The following DPP10 variants were observed in gnomAD, a reference collection of about 807,000 sequenced individuals.
DPP10 encodes the protein dipeptidyl peptidase like 10, also known as inactive dipeptidyl peptidase 10.
DPP10 carries 33 observed loss-of-function variants against 120.9 expected under a neutral mutation model. That is an observed-to-expected ratio of 0.27 (90% CI 0.21 to 0.37). DPP10 has a LOEUF of 0.37. DPP10 is among the 10% of genes least tolerant of loss of function. DPP10 has a pLI of 1.00. For missense variants in DPP10, 816 were observed against 942.8 expected, an observed-to-expected ratio of 0.87 and a Z score of 1.76; for synonymous variants, 337 against 326.1, an observed-to-expected ratio of 1.03 and a Z score of -0.36.
At chr2:115,173,523 C>T (rs2053503907) in intron 1 of DPP10, among the ~76,000 whole-genome samples, 1 of 152,116 alleles carries the variant, frequency 6.6e-6, no homozygotes, top group Admixed American at 6.5e-5. Context: ...TAAGCAGATA[C>T]CATAACTCGT....
intron 1 of DPP10, among the ~76,000 whole-genome samples, chr2:114,627,725 G>C (rs1289580363): frequency 1.3e-5 from 2 of 152,100 alleles, no homozygotes; most frequent in African/African-American, 4.8e-5. Context: ...AAGAGGTGCA[G>C]TATTTTTGAA....
chr2:114,881,277 T>C (rs1691581766), intron 1 of DPP10, among the ~76,000 whole-genome samples: 1 of 152,142 alleles, frequency 6.6e-6, no homozygotes, highest in Non-Finnish European at 1.5e-5. Context: ...TGGGGTCCCA[T>C]GTGGCCAACA....
intron 1 of DPP10, among the ~76,000 whole-genome samples, chr2:114,539,623 T>C (rs1280208312): frequency 6.6e-6 from 1 of 152,214 alleles, no homozygotes; most frequent in African/African-American, 2.4e-5. Flanking sequence ...TTCAGTGTCA[T>C]CTCTGACCTG....
intron 21 of DPP10, among the ~76,000 whole-genome samples, chr2:115,834,041 A>C (rs575217591): frequency 6.6e-6 from 1 of 152,246 alleles, no homozygotes; most frequent in African/African-American, 2.4e-5. Flanking sequence ...GAATGAGCAA[A>C]GGCACTTTGA....
chr2:115,014,572 G>C (rs1338117392), intron 1 of DPP10, among the ~76,000 whole-genome samples: 1 of 151,770 alleles, frequency 6.6e-6, no homozygotes, highest in African/African-American at 2.4e-5. Context: ...TTTTATAAAA[G>C]ATCAACAAAA....
chr2:115,832,590 T>A (rs541566766), intron 21 of DPP10, among the ~76,000 whole-genome samples: 1 of 152,230 alleles, frequency 6.6e-6, no homozygotes, highest in Non-Finnish European at 1.5e-5. Flanking sequence ...AAATAGAATT[T>A]TATTCAACAG....
At chr2:114,486,652 A>G (rs1681543228) in intron 1 of DPP10, among the ~76,000 whole-genome samples, 1 of 152,034 alleles carries the variant, frequency 6.6e-6, no homozygotes, top group African/African-American at 2.4e-5. Flanking sequence ...AGGTCAAAGG[A>G]CTTGTAGTTC....
At chr2:115,747,594 C>CTTTTTTTTTTT (rs3980905) in intron 10 of DPP10, among the ~76,000 whole-genome samples, 3 of 141,226 alleles carry the variant, frequency 2.1e-5, no homozygotes, top group Non-Finnish European at 4.6e-5. Flanking sequence ...ATCCCCTTGT[C>CTTTTTTTTTTT]TTTTTTTTTT....
intron 5 of DPP10, among the ~76,000 whole-genome samples, chr2:115,652,409 A>ATGTGTGTGTGTGTGTG (rs71394158): frequency 1.4e-5 from 2 of 145,576 alleles, no homozygotes; most frequent in African/African-American, 5.3e-5. Flanking sequence ...TAGGATATAT[A>ATGTGTGTGTGTGTGTG]TGTGTGTGTG....
chr2:115,810,104 G>C (rs1686462241), intron 19 of DPP10, among the ~76,000 whole-genome samples: 1 of 151,714 alleles, frequency 6.6e-6, no homozygotes, highest in South Asian at 2.1e-4. Context: ...GGATCTGGCA[G>C]TGAGCCGAGA....
chr2:114,479,573 T>C (rs1680827752), intron 1 of DPP10, among the ~76,000 whole-genome samples: 1 of 152,096 alleles, frequency 6.6e-6, no homozygotes, highest in African/African-American at 2.4e-5. Context: ...TATCTACAAC[T>C]ATCTGATCTT....
intron 1 of DPP10, among the ~76,000 whole-genome samples, chr2:114,748,890 A>C (rs1248919461): frequency 1.9e-5 from 2 of 105,634 alleles, no homozygotes; most frequent in African/African-American, 7.9e-5. Context: ...TTATAGCAGC[A>C]TGATTTATAG....
intron 1 of DPP10, among the ~76,000 whole-genome samples, chr2:115,064,299 A>G (rs1195998372): frequency 6.6e-6 from 1 of 152,184 alleles, no homozygotes; most frequent in Non-Finnish European, 1.5e-5. Flanking sequence ...CTGCTCCATT[A>G]GAGTGTGATC....
intron 1 of DPP10, among the ~76,000 whole-genome samples, chr2:114,774,972 G>A (rs1481520097): frequency 1.3e-5 from 2 of 151,722 alleles, no homozygotes; most frequent in Non-Finnish European, 1.5e-5. Flanking sequence ...TCACATTTTA[G>A]CGATGAGAAA....
chr2:115,265,469 A>T (rs894221302), intron 1 of DPP10, among the ~76,000 whole-genome samples: 1 of 152,100 alleles, frequency 6.6e-6, no homozygotes, highest in African/African-American at 2.4e-5. Flanking sequence ...CTGGCAGATT[A>T]TAAGAAATAG....
chr2:115,240,450 G>A (rs1439271805), intron 1 of DPP10, among the ~76,000 whole-genome samples: 1 of 152,014 alleles, frequency 6.6e-6, no homozygotes, highest in Non-Finnish European at 1.5e-5. Flanking sequence ...TGATGGGGTT[G>A]TTTGTTTTTT....
intron 1 of DPP10, among the ~76,000 whole-genome samples, chr2:115,104,935 G>T (rs2048874272): frequency 2.0e-5 from 3 of 151,870 alleles, no homozygotes; most frequent in African/African-American, 7.3e-5. Context: ...GAACCCAGGA[G>T]CCAGAGGTTG....
At chr2:114,960,848 A>G (rs927218551) in intron 1 of DPP10, among the ~76,000 whole-genome samples, 6 of 152,122 alleles carry the variant, frequency 3.9e-5, no homozygotes, top group African/African-American at 1.2e-4. Flanking sequence ...GAAAGATTCT[A>G]TACATGGTAG....
intron 5 of DPP10, among the ~76,000 whole-genome samples, chr2:115,530,509 A>G (rs1209744589): frequency 6.6e-6 from 1 of 152,074 alleles, no homozygotes; most frequent in African/African-American, 2.4e-5. Flanking sequence ...GTGAAATGCC[A>G]TCTCCACAAA....
Sources: gnomAD v4.1 joint callset for allele counts (sites outside exome capture counted in the v4.1 genomes callset) on GRCh38, gnomAD v4.1.1 for gene constraint, MANE v1.5 for transcripts, NCBI Gene and HGNC (gene_info 2026-07-23, HGNC 2026-07-21) for gene names.